Variants in MCF2L observed in about 807,000 individuals in gnomAD.
The protein encoded by MCF2L is guanine nucleotide exchange factor DBS.
A neutral mutation model predicts 153.4 loss-of-function variants in MCF2L; 97 were observed. The ratio of observed to expected loss-of-function variants is 0.63; its 90% confidence interval spans 0.54 to 0.75. MCF2L has a LOEUF of 0.75. Ranked by LOEUF, MCF2L falls within the 30% of genes least tolerant of loss-of-function variation. MCF2L has a pLI of 0.00. For synonymous variants in MCF2L, 659 were observed against 632.2 expected, an observed-to-expected ratio of 1.04 and a Z score of -0.64; for missense variants, 1,347 against 1,495.2, an observed-to-expected ratio of 0.90 and a Z score of 1.64.
At chr13:113,087,484 C>T (rs779464741) in intron 22 of MCF2L, 28 bp downstream of exon 22, 15 of 1,544,980 alleles carry the variant, frequency 9.7e-6, no homozygotes, top group East Asian at 2.3e-5. Context: ...TGCAGCAGCA[C>T]GCTCCTGGCC....
intron 2 of MCF2L, among the ~76,000 whole-genome samples, chr13:112,937,715 C>T (rs185528732): frequency 2.6e-5 from 4 of 152,148 alleles, no homozygotes; most frequent in East Asian, 1.9e-4. Flanking sequence ...TGCAGCTGAG[C>T]CCTGATTAGC....
chr13:112,925,877 A>G (rs996994192), intron 2 of MCF2L, among the ~76,000 whole-genome samples: 1 of 148,630 alleles, frequency 6.7e-6, no homozygotes, highest in East Asian at 1.9e-4. Flanking sequence ...GAAGAAAACA[A>G]GAAGCAAAGT....
rs1594385641 is a variant in MCF2L at position 112,960,033 on chromosome 13, G to A, written c.170-54730G>A. On this transcript the variant is annotated intron_variant, in intron 2 of 29. Coordinates refer to the MCF2L transcript ENST00000375608. This position sits in a 1 kb window ranked among gnomAD's most constrained non-coding sequence, Gnocchi z 4.2. The stretch of plus-strand genomic sequence containing the variant: ...CTGCGGCAGAGGTGCCTGTGTCACC[G>A]AGGTCCCTCGGTAACTTCAGGGCAG... 6.6e-6 allele frequency among the ~76,000 whole-genome samples: 1 copy of A among 152,368 alleles called. No homozygotes were observed. The highest frequency in any genetic ancestry group is 2.4e-5 in the African/African-American group (1 of 41,584).
chr13:112,902,260 T>TC lies in MCF2L; in HGVS notation c.62dup (p.Gln22ThrfsTer5). 6.2e-7 allele frequency: 1 copy of TC among 1,612,824 alleles called. No homozygotes were observed. The highest frequency in any genetic ancestry group is 8.5e-7 in the Non-Finnish European group (1 of 1,179,870). On this transcript the variant is annotated frameshift_variant, in exon 2 of 30. Transcript: ENST00000375608. LOFTEE classifies it high-confidence loss of function. ...GAGACCTGGAAGCAACAGTTATTCT[T>TC]CCCCACAACGGCCCAATGAGGCCAA...
intron 4 of MCF2L, among the ~76,000 whole-genome samples, chr13:113,050,634 CGGT>C: frequency 8.6e-6 from 1 of 116,760 alleles, no homozygotes; most frequent in African/African-American, 3.2e-5. Context: ...ACCGTGGGGG[CGGT>C]GGGGGCGGTG....
intron 1 of MCF2L, among the ~76,000 whole-genome samples, chr13:112,971,589 T>C (rs2140827019): frequency 6.6e-6 from 1 of 152,338 alleles, no homozygotes; most frequent in East Asian, 1.9e-4. Flanking sequence ...TGCTGCTGTG[T>C]TTTAATTTCA....
At chr13:112,931,933 G>A (rs1416070945) in intron 2 of MCF2L, among the ~76,000 whole-genome samples, 6 of 152,086 alleles carry the variant, frequency 3.9e-5, no homozygotes, top group Non-Finnish European at 7.3e-5. Flanking sequence ...ATGAAGAAGC[G>A]TGGGTCCACA....
At chr13:113,095,718 G>A in intron 27 of MCF2L, 1 of 993,122 alleles carries the variant, frequency 1.0e-6, no homozygotes, top group Non-Finnish European at 1.2e-6. Flanking sequence ...GCAGCCGGCA[G>A]CACCCCTCCG....
At chr13:112,903,560 T>C (rs987360406) in intron 2 of MCF2L, among the ~76,000 whole-genome samples, 45 of 152,142 alleles carry the variant, frequency 3.0e-4, no homozygotes, top group Admixed American at 2.9e-3. Context: ...GGGCCACAAC[T>C]TGTGTAGACT....
chr13:113,039,057 C>T (rs1032188596), intron 3 of MCF2L, among the ~76,000 whole-genome samples: 1 of 152,112 alleles, frequency 6.6e-6, no homozygotes, highest in Admixed American at 6.5e-5. Flanking sequence ...GACGGGGTTT[C>T]ACCGTGTTAG....
In MCF2L at chr13:113,065,949, C is replaced by T. The variant is rs943403431; in HGVS notation, c.757-97C>T. The T allele has an allele frequency of 3.0e-6, 4 of 1,343,802 alleles. No individual in the cohort carries two copies. In the African/African-American group the frequency reaches 5.8e-5, roughly 19 times the overall value. The allele number at this position is 1,343,802 out of a possible 1,614,324, so 83.2% of individuals were successfully genotyped here. On this transcript the variant is annotated intron_variant, in intron 7 of 29. Transcript: ENST00000535094. The stretch of plus-strand genomic sequence containing the variant: ...TCGGGGATTGACCCCTTCCTCAGTC[C>T]CCGCCCCCTCAAGAGCAAGGCCCCA...
chr13:112,964,575 A>C (rs115667400), upstream of MCF2L, among the ~76,000 whole-genome samples: 1,151 of 152,378 alleles, frequency 7.6e-3, 15 homozygotes, highest in African/African-American at 0.026. Context: ...GGAAATTAAC[A>C]CAGAGAAACA....
chr13:112,981,985 C>G (rs377556701), intron 1 of MCF2L, among the ~76,000 whole-genome samples: 2 of 152,184 alleles, frequency 1.3e-5, no homozygotes, highest in African/African-American at 2.4e-5. Flanking sequence ...GGGCAGGCCC[C>G]GGTCAGGGCT....
chr13:112,969,170 C>G, upstream of MCF2L: 1 of 562,866 alleles, frequency 1.8e-6, no homozygotes, highest in Non-Finnish European at 2.4e-6. This position sits in a 1 kb window ranked among gnomAD's most constrained non-coding sequence, Gnocchi z 4.8. Flanking sequence ...CGCCGAGCCG[C>G]CCCCCGCCCC....
chr13:112,973,919 C>G (rs1001805353), intron 1 of MCF2L, among the ~76,000 whole-genome samples: 1 of 152,146 alleles, frequency 6.6e-6, no homozygotes, highest in Non-Finnish European at 1.5e-5. Context: ...GTCACTGGCC[C>G]CTTTTCACGC....
intron 2 of MCF2L, among the ~76,000 whole-genome samples, chr13:112,946,243 A>G (rs1163874957): frequency 6.6e-6 from 1 of 152,116 alleles, no homozygotes; most frequent in Non-Finnish European, 1.5e-5. Context: ...AAGATCCTCC[A>G]AGAAATACAT....
In MCF2L at chr13:113,065,997, G is replaced by T. The variant is rs1044695639; in HGVS notation, c.757-49G>T. 6.3e-6 allele frequency: 10 copies of T among 1,592,772 alleles called. No homozygotes were observed. In the African/African-American group the frequency reaches 1.2e-4, roughly 19 times the overall value. On this transcript the variant is annotated intron_variant, in intron 7 of 29. Transcript: ENST00000535094. ...CCACGAGGCCTCACCACCAGCCTGC[G>T]CTGTGTGCCTGGACGGGGCCGGGAC...
intron 1 of MCF2L, among the ~76,000 whole-genome samples, chr13:112,900,587 T>G: frequency 6.8e-6 from 1 of 147,034 alleles, no homozygotes; most frequent in African/African-American, 2.5e-5. Context: ...AAGGGGTGAG[T>G]GTGTTTGTGG....
chr13:112,965,762 A>G (rs920822579), upstream of MCF2L: 4 of 152,326 alleles, frequency 2.6e-5, no homozygotes, highest in Admixed American at 6.5e-5. Context: ...AAAGGTCGCC[A>G]TGAGGATGTT....
Sources: allele counts gnomAD v4.1 joint callset (sites outside exome capture counted in the v4.1 genomes callset), GRCh38; gene constraint gnomAD v4.1.1; non-coding constraint Gnocchi (gnomAD v3.1); transcripts MANE v1.5; gene names NCBI Gene and HGNC (gene_info 2026-07-23, HGNC 2026-07-21).